CDK14: variants seen among roughly 807,000 people sequenced by gnomAD.
CDK14 encodes cyclin-dependent kinase 14.
In CDK14, 34 loss-of-function variants were observed where a neutral mutation model predicts 60.7. The ratio of observed to expected loss-of-function variants is 0.56; its 90% confidence interval spans 0.43 to 0.75. The LOEUF (loss-of-function observed/expected upper bound fraction) is 0.75, where lower values mean the gene tolerates loss of function less well. CDK14 is among the 30% of genes least tolerant of loss of function. CDK14 has a pLI of 0.00. For synonymous variants in CDK14, 197 were observed against 203.7 expected (o/e 0.97, Z 0.28); for missense variants, 482 against 564.1 (o/e 0.85, Z 1.47).
intron 3 of CDK14, among the ~76,000 whole-genome samples, chr7:90,746,754 A>T (rs1257151632): frequency 6.6e-6 from 1 of 151,896 alleles, no homozygotes; most frequent in Non-Finnish European, 1.5e-5. Flanking sequence ...TGATGAGGTC[A>T]CTCTCTCTTA....
At chr7:91,158,968 T>TAA (rs769930830) in intron 14 of CDK14, among the ~76,000 whole-genome samples, 5 of 152,208 alleles carry the variant, frequency 3.3e-5, no homozygotes, top group Non-Finnish European at 5.9e-5. Context: ...ACACTTTATT[T>TAA]AATAGCCAAC....
chr7:90,683,964 A>G (rs1483634689), intron 2 of CDK14, among the ~76,000 whole-genome samples: 1 of 151,088 alleles, frequency 6.6e-6, no homozygotes, highest in Non-Finnish European at 1.5e-5. Flanking sequence ...ACATGCATGT[A>G]TGTGTATATA....
At chr7:90,607,923 C>G (rs1361411893) in intron 2 of CDK14, among the ~76,000 whole-genome samples, 1 of 152,154 alleles carries the variant, frequency 6.6e-6, no homozygotes, top group Non-Finnish European at 1.5e-5. Context: ...TCCTTTTCCC[C>G]TCCCAGCTTC....
At position 91,210,106 on chromosome 7, in the gene CDK14, A is replaced by G. The variant is rs1443732471; in HGVS notation, c.*2970A>G. 1.3e-5 allele frequency: 2 copies of G among 152,660 alleles called. No individual in the cohort carries two copies. Among genetic ancestry groups the G allele is most frequent in the African/African-American group, 2.4e-5 (1 of 41,460 alleles). 9.5% of individuals were successfully genotyped at this position (152,660 alleles called of 1,614,324 possible). ...TTGCCTGCCCCTTATACATAGGAAT[A>G]TGCTGCATAATTGCGCATAACTTCC... is the stretch of plus-strand genomic sequence containing the variant. On this transcript the variant is annotated 3_prime_UTR_variant, in exon 15 of 15. Transcript: ENST00000380050.
Position 90,881,503 on chromosome 7 carries a change from A to G in CDK14, c.640-17788A>G, listed in dbSNP as rs144173597. 2.7e-3 allele frequency among the ~76,000 whole-genome samples: 406 copies of G among 152,302 alleles called. 3 individuals carry two copies. Among genetic ancestry groups the G allele is most frequent in the African/African-American group, 7.2e-3 (298 of 41,572 alleles). ...GATGGGGAGAATGGAAATAAGCAGG[A>G]AAACACACTTCAGGATATTATGCAG... On this transcript the variant is annotated intron_variant, in intron 6 of 14. Coordinates refer to ENST00000380050, the MANE Select transcript of CDK14 (RefSeq NM_001287135.2).
At chr7:90,802,301 A>G (rs1247795476) in intron 5 of CDK14, among the ~76,000 whole-genome samples, 19 of 152,194 alleles carry the variant, frequency 1.2e-4, no homozygotes, top group Admixed American at 1.2e-3. Context: ...TTAAGACTCA[A>G]AAATTCTTTG....
At chr7:90,865,129 T>C (rs1283972192) in intron 6 of CDK14, among the ~76,000 whole-genome samples, 1 of 152,192 alleles carries the variant, frequency 6.6e-6, no homozygotes, top group Non-Finnish European at 1.5e-5. Flanking sequence ...CCTGTTCTCA[T>C]CATTTTCTAA....
At chr7:91,048,121 C>G (rs1032018724) in intron 11 of CDK14, among the ~76,000 whole-genome samples, 2 of 152,108 alleles carry the variant, frequency 1.3e-5, no homozygotes, top group Admixed American at 6.5e-5. Context: ...GCAATAGGAA[C>G]AAGGAGCGTA....
At chr7:91,179,345 G>T (rs1433488986) in intron 14 of CDK14, among the ~76,000 whole-genome samples, 1 of 134,872 alleles carries the variant, frequency 7.4e-6, no homozygotes, top group African/African-American at 2.8e-5. Flanking sequence ...CACACTCTGG[G>T]GACTGTTGTG....
intron 12 of CDK14, among the ~76,000 whole-genome samples, chr7:91,081,068 A>C (rs756355640): frequency 5.9e-4 from 90 of 152,324 alleles, no homozygotes; most frequent in Middle Eastern, 3.4e-3. Flanking sequence ...TATTTCAGAA[A>C]CACTAAGTAA....
intron 5 of CDK14, among the ~76,000 whole-genome samples, chr7:90,861,154 T>G (rs1016964240): frequency 6.6e-6 from 1 of 152,094 alleles, no homozygotes; most frequent in African/African-American, 2.4e-5. Context: ...TTCAGTAAAC[T>G]TGTTGAGTTC....
At chr7:90,630,102 C>T (rs1799961750) in intron 2 of CDK14, among the ~76,000 whole-genome samples, 1 of 151,700 alleles carries the variant, frequency 6.6e-6, no homozygotes, top group Non-Finnish European at 1.5e-5. Context: ...CACACAAAAC[C>T]ACAAAAAACA....
intron 10 of CDK14, among the ~76,000 whole-genome samples, chr7:90,992,836 G>GA: frequency 1.3e-5 from 2 of 152,244 alleles, no homozygotes; most frequent in African/African-American, 4.8e-5. Flanking sequence ...GCTTTGTGTG[G>GA]AACATTAAAT....
chr7:90,784,826 TAA>T (rs1805504138), intron 4 of CDK14, among the ~76,000 whole-genome samples: 1 of 152,218 alleles, frequency 6.6e-6, no homozygotes, highest in Admixed American at 6.5e-5. Context: ...AATATTTAGT[TAA>T]GTTTAATTTT....
intron 5 of CDK14, among the ~76,000 whole-genome samples, chr7:90,791,620 G>A (rs934914076): frequency 3.3e-5 from 5 of 152,038 alleles, no homozygotes; most frequent in African/African-American, 1.2e-4. Context: ...TGAAAATCTT[G>A]TTTCTATTTC....
At chr7:90,835,629 C>T (rs1245007718) in intron 5 of CDK14, among the ~76,000 whole-genome samples, 1 of 152,114 alleles carries the variant, frequency 6.6e-6, no homozygotes, top group African/African-American at 2.4e-5. Context: ...TTCTTGCCTC[C>T]CTCACCTCCT....
At chr7:90,598,692 G>A (rs1030377167) in intron 1 of CDK14, among the ~76,000 whole-genome samples, 1 of 129,932 alleles carries the variant, frequency 7.7e-6, no homozygotes, top group Non-Finnish European at 1.6e-5. Context: ...AACTCATTCT[G>A]ATTATCTAAG....
chr7:90,863,383 A>G (rs1243219056), intron 6 of CDK14, 114 bp downstream of exon 6: 1 of 544,386 alleles, frequency 1.8e-6, no homozygotes, highest in Non-Finnish European at 3.2e-6. Context: ...ATTTTATCTG[A>G]ATACATGAGA....
At chr7:90,624,541 G>A (rs1345337178) in intron 2 of CDK14, among the ~76,000 whole-genome samples, 2 of 152,174 alleles carry the variant, frequency 1.3e-5, no homozygotes, top group African/African-American at 2.4e-5. Flanking sequence ...TCAAACTGTG[G>A]AGGCAGTACT....
Sources: allele counts gnomAD v4.1 joint callset (sites outside exome capture counted in the v4.1 genomes callset), GRCh38; gene constraint gnomAD v4.1.1; transcripts MANE v1.5; gene names NCBI Gene and HGNC (gene_info 2026-07-23, HGNC 2026-07-21).